The following FOXM1 variants were observed in gnomAD, a reference collection of about 807,000 sequenced individuals.
FOXM1 encodes the protein forkhead box protein M1.
Under a neutral mutation model 63.6 loss-of-function variants are expected in FOXM1, and 25 were observed. That is an observed-to-expected ratio of 0.39 (90% CI 0.29 to 0.55). The LOEUF (loss-of-function observed/expected upper bound fraction) is 0.55, where lower values mean the gene tolerates loss of function less well. Ranked by LOEUF, FOXM1 falls within the 20% of genes least tolerant of loss-of-function variation. The pLI, the probability that FOXM1 is intolerant of heterozygous loss-of-function variation, is 0.60. For synonymous variants in FOXM1, 387 were observed against 376.9 expected (o/e 1.03, Z -0.31); for missense variants, 879 against 958.7 (o/e 0.92, Z 1.10).
At position 2,872,153 on chromosome 12, in the gene FOXM1, G is replaced by A. The variant is rs768535961; in HGVS notation, c.597C>T (p.Ser199=). 5 of 1,614,138 alleles carry A rather than the reference G, an allele frequency of 3.1e-6. No homozygotes were observed. The Admixed American group carries it at 6.7e-5, about 22-fold the overall frequency. Residue 199 remains serine, a synonymous_variant, in exon 3 of 9, where the codon AGC becomes AGT. Transcript: ENST00000359843. This position sits in a 1 kb window ranked among gnomAD's most constrained non-coding sequence, Gnocchi z 4.0. ...CCTTTTCCTCCATCTCTTGCTTGAT[G>A]CTGCGGGAGCCCAGTCCATCAGAAC... ...KMSSDGLGSR[S]IKQEMEEKEN...
chr12:2,868,466 G>A (rs1351540856), intron 4 of FOXM1, 97 bp downstream of exon 4: 3 of 809,378 alleles, frequency 3.7e-6, no homozygotes, highest in Non-Finnish European at 6.0e-6. Flanking sequence ...AGTGTCCTTT[G>A]CACTTAACTG....
chr12:2,858,901 G>A lies in FOXM1; in HGVS notation c.2029C>T (p.Leu677Phe). 2 of 1,614,028 alleles carry A rather than the reference G, an allele frequency of 1.2e-6. No homozygotes were observed. Among genetic ancestry groups the A allele is most frequent in the Non-Finnish European group, 1.7e-6 (2 of 1,180,014 alleles). The change falls in exon 9 of 9, where the codon CTC (leucine) becomes TTC (phenylalanine). Residue 677 changes from leucine to phenylalanine, a missense_variant. Leu to Phe is a conservative substitution (Grantham distance 22, BLOSUM62 0). This residue lies in a region of FOXM1 where 486 missense variants were observed against 453.5 expected (regional missense o/e 1.07). Transcript: ENST00000359843. ...ATGAGGTCTAAGGGTTCTGAACTGA[G>A]GAGCCTTTGCGGTGATTCAAGGGGG... ...APPLESPQRL[L>F]SSEPLDLISV...
intron 3 of FOXM1, among the ~76,000 whole-genome samples, chr12:2,870,358 T>C (rs939578995): frequency 6.6e-6 from 1 of 152,208 alleles, no homozygotes; most frequent in Non-Finnish European, 1.5e-5. Flanking sequence ...AAATATTGCA[T>C]GTTCTCACTT....
Position 2,859,470 on chromosome 12 carries a change from C to T in FOXM1, c.1460G>A (p.Trp487Ter), listed in dbSNP as rs556126385. 6.2e-7 allele frequency: 1 copy of T among 1,613,942 alleles called. No individual in the cohort carries two copies. The highest frequency in any genetic ancestry group is 8.5e-7 in the Non-Finnish European group (1 of 1,180,018). ...TTTGAAAGATGGGGCCGGGGAGGGC[C>T]ACTCTTCCAAGGGAGGGCTCTCCAC... ...IKVESPPLEE[W>*]PSPAPSFKEE... The change falls in exon 9 of 9, where the codon TGG becomes TAG. Residue 487 changes from tryptophan to a stop codon, truncating the protein, a stop_gained. Transcript: ENST00000359843. LOFTEE classifies it high-confidence loss of function.
Position 2,876,994 on chromosome 12 carries a change from C to A in FOXM1, c.-122G>T, listed in dbSNP as rs1340522968. 1.3e-5 allele frequency: 2 copies of A among 152,026 alleles called. No homozygotes were observed. The highest frequency in any genetic ancestry group is 2.9e-5 in the Non-Finnish European group (2 of 68,002). The allele number at this position is 152,026 out of a possible 1,614,324, so 9.4% of individuals were successfully genotyped here. A position where few individuals can be genotyped will look rare whatever the true frequency, so the allele number is the denominator to read the frequency against. On this transcript the variant is annotated 5_prime_UTR_variant, in exon 1 of 9. Coordinates refer to ENST00000359843, the MANE Select transcript of FOXM1 (RefSeq NM_021953.4). The stretch of plus-strand genomic sequence containing the variant: ...CTCCGGGCTCCTCCAACCTGGGGGC[C>A]GAGCCAGGGCCCCGGACGGGGGCTC...
intron 3 of FOXM1, 122 bp downstream of exon 3, chr12:2,871,974 G>A (rs1485726215): frequency 2.0e-6 from 2 of 988,492 alleles, no homozygotes; most frequent in Non-Finnish European, 3.2e-6. Context: ...AGAATAGCAT[G>A]AAGTGGAGAG....
At chr12:2,873,398 CAAAA>C (rs1189846694) in intron 2 of FOXM1, among the ~76,000 whole-genome samples, 90 of 57,964 alleles carry the variant, frequency 1.6e-3, no homozygotes, top group Middle Eastern at 0.023. Flanking sequence ...GACTCCATCT[CAAAA>C]AAAAAAAAAA....
intron 3 of FOXM1, among the ~76,000 whole-genome samples, chr12:2,869,672 G>A (rs554352746): frequency 7.6e-4 from 115 of 151,996 alleles, no homozygotes; most frequent in Non-Finnish European, 1.3e-3. Context: ...CCTGACCTCA[G>A]GTGATCCACC....
chr12:2,858,774 G>C lies in FOXM1; in HGVS notation c.2156C>G (p.Thr719Arg). ...CATTGTGTCCAGGACCAGGCCTTCT[G>C]TCAGAGAACGATTGGCTGCAAGGCC... ...VSGLAANRSL[T>R]EGLVLDTMND... The change falls in exon 9 of 9, where the codon ACA becomes AGA. Residue 719 changes from threonine to arginine, a missense_variant. This residue lies in a region of FOXM1 where 486 missense variants were observed against 453.5 expected (regional missense o/e 1.07). Transcript: ENST00000359843. The C allele has an allele frequency of 6.2e-7, 1 of 1,614,230 alleles. No individual in the cohort carries two copies. Among genetic ancestry groups the C allele is most frequent in the Non-Finnish European group, 8.5e-7 (1 of 1,180,042 alleles).
rs1044654296 is a variant in FOXM1 at position 2,876,910 on chromosome 12, T to G, written c.-48+10A>C. 6 of 152,302 alleles carry G rather than the reference T, an allele frequency of 3.9e-5. No individual in the cohort carries two copies. Among genetic ancestry groups the G allele is most frequent in the African/African-American group, 1.2e-4 (5 of 41,430 alleles). 9.4% of individuals were successfully genotyped at this position (152,302 alleles called of 1,614,324 possible). On this transcript the variant is annotated intron_variant, in intron 1 of 8. Transcript: ENST00000359843. Reference sequence around the variant, plus strand: ...CCAGGCCTGGGACTCCATTGCTGCATCCCGCTCACCTCCAGACTGCAGTCG... The same window carrying G: ...CCAGGCCTGGGACTCCATTGCTGCAGCCCGCTCACCTCCAGACTGCAGTCG...
chr12:2,869,980 T>C (rs1178959148), intron 3 of FOXM1, among the ~76,000 whole-genome samples: 1 of 151,652 alleles, frequency 6.6e-6, no homozygotes, highest in Non-Finnish European at 1.5e-5. Context: ...TATACACGCA[T>C]GTAAATTTTC....
At position 2,858,587 on chromosome 12, in the gene FOXM1, T is replaced by C. The variant is rs780061864; in HGVS notation, c.*51A>G. The C allele has an allele frequency of 1.2e-5, 18 of 1,536,828 alleles. No homozygotes were observed. In the Admixed American group the frequency reaches 3.2e-4, roughly 27 times the overall value. ...CAGAGGCTTGGGGTGCACTGAGCCTTGGAGTGCCCGGGATGGTGGACAGCT... is the reference window on the plus strand; with the variant it reads ...CAGAGGCTTGGGGTGCACTGAGCCTCGGAGTGCCCGGGATGGTGGACAGCT... On this transcript the variant is annotated 3_prime_UTR_variant, in exon 9 of 9. Coordinates refer to ENST00000359843, the MANE Select transcript of FOXM1 (RefSeq NM_021953.4).
intron 1 of FOXM1, among the ~76,000 whole-genome samples, chr12:2,875,859 C>G (rs967684355): frequency 1.3e-5 from 2 of 150,622 alleles, no homozygotes; most frequent in African/African-American, 4.9e-5. Flanking sequence ...CTCCCGGGTT[C>G]AAGCGATTCT....
At chr12:2,870,266 G>A (rs1269967068) in intron 3 of FOXM1, among the ~76,000 whole-genome samples, 1 of 152,176 alleles carries the variant, frequency 6.6e-6, no homozygotes, top group African/African-American at 2.4e-5. Flanking sequence ...ATGAGTTATC[G>A]CGCCTGGCCA....
In FOXM1 at chr12:2,873,848, G is replaced by A. The variant is rs1489478203; in HGVS notation, c.502+129C>T. ...CCGCCTCAGCCTCCCAAAGTGCTGGGATTACAGGGATGAGCCACTGTGCTC... is the reference window on the plus strand; with the variant it reads ...CCGCCTCAGCCTCCCAAAGTGCTGGAATTACAGGGATGAGCCACTGTGCTC... On this transcript the variant is annotated intron_variant, in intron 2 of 8. Coordinates refer to ENST00000359843, the MANE Select transcript of FOXM1 (RefSeq NM_021953.4). The A allele has an allele frequency of 3.8e-6, 4 of 1,064,530 alleles. No homozygotes were observed. In the African/African-American group the frequency reaches 6.4e-5, roughly 17 times the overall value. The allele number at this position is 1,064,530 out of a possible 1,614,324, so 65.9% of individuals were successfully genotyped here.
Position 2,864,242 on chromosome 12 carries a change from T to C in FOXM1, c.1266+78A>G. 2 of 1,300,102 alleles carry C rather than the reference T, an allele frequency of 1.5e-6. No individual in the cohort carries two copies. Among genetic ancestry groups the C allele is most frequent in the Non-Finnish European group, 2.2e-6 (2 of 929,042 alleles). 80.5% of individuals were successfully genotyped at this position (1,300,102 alleles called of 1,614,324 possible). Reference sequence around the variant, plus strand: ...TTTATAAGCTCTCAAGGAACACTTATCAGAGTGCTTTGCAAGCTGAAGGTC... The same window carrying C: ...TTTATAAGCTCTCAAGGAACACTTACCAGAGTGCTTTGCAAGCTGAAGGTC... On this transcript the variant is annotated intron_variant, in intron 8 of 8. Transcript: ENST00000359843. This position sits in a 1 kb window ranked among gnomAD's most constrained non-coding sequence, Gnocchi z 5.1.
chr12:2,868,748 C>T lies in FOXM1; in HGVS notation c.661G>A (p.Glu221Lys), dbSNP rs756246082. 38 of 1,611,346 alleles carry T rather than the reference C, an allele frequency of 2.4e-5. 2 individuals carry two copies. In the East Asian group the frequency reaches 2.9e-4, roughly 12 times the overall value. The change falls in exon 4 of 9, where the codon GAG becomes AAG. Residue 221 changes from glutamate to lysine, a missense_variant. Transcript: ENST00000359843. ...HLEQRQVKVE[E>K]PSRPSASWQN... ...CAGGACGCTGATGGTCTCGAAGGCT[C>T]CTCAACCTGAGGGTTATGACACAGG...
chr12:2,861,167 CAAAAA>C (rs1216502555), intron 8 of FOXM1: 9 of 390,580 alleles, frequency 2.3e-5, no homozygotes, highest in East Asian at 5.0e-5. Flanking sequence ...GACTCCGTCT[CAAAAA>C]AAAAAAAAAA....
intron 8 of FOXM1, chr12:2,861,549 A>G (rs1260937076): frequency 8.1e-6 from 3 of 369,574 alleles, no homozygotes; most frequent in African/African-American, 4.2e-5. Context: ...AGATCTTATC[A>G]TATATTGCTG....
Sources: allele counts gnomAD v4.1 joint callset (sites outside exome capture counted in the v4.1 genomes callset), GRCh38; gene constraint gnomAD v4.1.1; regional missense constraint gnomAD v4.1.1; non-coding constraint Gnocchi (gnomAD v3.1); transcripts MANE v1.5; gene names NCBI Gene and HGNC (gene_info 2026-07-23, HGNC 2026-07-21).